Variants in ENAH observed in about 807,000 individuals in gnomAD.
ENAH encodes protein enabled homolog.
Under a neutral mutation model 78.7 loss-of-function variants are expected in ENAH, and 23 were observed. The ratio of observed to expected loss-of-function variants is 0.29; its 90% CI spans 0.21 to 0.41. ENAH has a LOEUF of 0.41. ENAH is among the 10% of genes least tolerant of loss of function. The pLI, the probability that ENAH is intolerant of heterozygous loss-of-function variation, is 1.00. For synonymous variants in ENAH, 226 were observed against 241.0 expected, an observed-to-expected ratio of 0.94 and a Z score of 0.58; for missense variants, 544 against 691.0, an observed-to-expected ratio of 0.79 and a Z score of 2.39.
chr1:225,505,247 A>G (rs1476682430), intron 11 of ENAH, among the ~76,000 whole-genome samples: 1 of 152,252 alleles, frequency 6.6e-6, no homozygotes, highest in Non-Finnish European at 1.5e-5. Flanking sequence ...CCAGTTACAG[A>G]AAATTTTAAA....
intron 3 of ENAH, among the ~76,000 whole-genome samples, chr1:225,548,905 A>G (rs1040756353): frequency 6.8e-6 from 1 of 147,660 alleles, no homozygotes; most frequent in African/African-American, 2.5e-5. Flanking sequence ...GCTGGAGTGC[A>G]GTGGCACGAT....
chr1:225,589,198 C>T (rs544817346), intron 1 of ENAH, among the ~76,000 whole-genome samples: 2 of 152,244 alleles, frequency 1.3e-5, no homozygotes, highest in East Asian at 3.9e-4. Flanking sequence ...GGAATTTTGC[C>T]ATCACCCCCA....
chr1:225,608,220 GA>G (rs60998592), intron 1 of ENAH, among the ~76,000 whole-genome samples: 16,307 of 91,342 alleles, frequency 0.18, 956 homozygotes, highest in South Asian at 0.29. Flanking sequence ...ATAAAAAACA[GA>G]AAAAAAAAAA....
At chr1:225,552,974 C>G (rs1406686916) in intron 3 of ENAH, among the ~76,000 whole-genome samples, 2 of 152,156 alleles carry the variant, frequency 1.3e-5, no homozygotes, top group African/African-American at 4.8e-5. Context: ...TGGCTCATGC[C>G]TGTAATCCCA....
intron 7 of ENAH, among the ~76,000 whole-genome samples, chr1:225,513,477 A>C (rs2096392490): frequency 6.6e-6 from 1 of 152,248 alleles, no homozygotes; most frequent in Non-Finnish European, 1.5e-5. Flanking sequence ...ATGATCTTGC[A>C]CTAGGAAAAA....
intron 3 of ENAH, among the ~76,000 whole-genome samples, chr1:225,540,938 G>A (rs556860053): frequency 1.3e-5 from 2 of 152,164 alleles, no homozygotes; most frequent in East Asian, 3.9e-4. Context: ...TATGAGCCCT[G>A]AAAACAGTAC....
intron 11 of ENAH, among the ~76,000 whole-genome samples, chr1:225,503,690 T>G (rs2096302609): frequency 7.2e-6 from 1 of 138,064 alleles, no homozygotes; most frequent in Admixed American, 7.2e-5. Flanking sequence ...ACAAAACTAT[T>G]TCACTACTGG....
At chr1:225,544,665 G>A (rs1399615882) in intron 3 of ENAH, among the ~76,000 whole-genome samples, 4 of 152,166 alleles carry the variant, frequency 2.6e-5, no homozygotes, top group African/African-American at 4.8e-5. Context: ...ACTAAAAGCT[G>A]CGCTCATGAA....
chr1:225,590,709 C>A (rs1351542318), intron 1 of ENAH, among the ~76,000 whole-genome samples: 1 of 152,098 alleles, frequency 6.6e-6, no homozygotes, highest in African/African-American at 2.4e-5. Flanking sequence ...GTCTCCAGCC[C>A]TGTCAATTCT....
chr1:225,508,960 C>G (rs2096355822), intron 10 of ENAH, among the ~76,000 whole-genome samples: 1 of 152,208 alleles, frequency 6.6e-6, no homozygotes, highest in Non-Finnish European at 1.5e-5. Context: ...TCACACTCTT[C>G]CATGAAGCCC....
chr1:225,652,180 C>A (rs1158526239), intron 1 of ENAH: 2 of 244,614 alleles, frequency 8.2e-6, no homozygotes. Context: ...TTTCACAGCT[C>A]CTTCACCTAC....
At chr1:225,580,489 C>A (rs1456432721) in intron 1 of ENAH, among the ~76,000 whole-genome samples, 1 of 152,116 alleles carries the variant, frequency 6.6e-6, no homozygotes. Flanking sequence ...CTAAGCCAAA[C>A]CCAGAATCCT....
At chr1:225,532,165 C>T (rs1354946938) in intron 3 of ENAH, among the ~76,000 whole-genome samples, 1 of 152,002 alleles carries the variant, frequency 6.6e-6, no homozygotes, top group Admixed American at 6.5e-5. Context: ...TAAAAACAGA[C>T]TCTCCTATTA....
intron 4 of ENAH, among the ~76,000 whole-genome samples, chr1:225,527,427 T>G (rs1311778938): frequency 6.6e-6 from 1 of 152,236 alleles, no homozygotes; most frequent in African/African-American, 2.4e-5. Context: ...CTATACATCC[T>G]TCCCGTTTGC....
At chr1:225,622,014 G>A (rs1312178089) in intron 1 of ENAH, among the ~76,000 whole-genome samples, 2 of 152,092 alleles carry the variant, frequency 1.3e-5, no homozygotes, top group Non-Finnish European at 2.9e-5. Context: ...AACAATCTAT[G>A]TACTATCATC....
At chr1:225,619,093 A>G (rs1575748124) in intron 1 of ENAH, among the ~76,000 whole-genome samples, 1 of 147,686 alleles carries the variant, frequency 6.8e-6, no homozygotes, top group Non-Finnish European at 1.5e-5. Context: ...ACAACCCAGT[A>G]CACACACACA....
chr1:225,573,025 G>T (rs913160202), intron 1 of ENAH, among the ~76,000 whole-genome samples: 29 of 152,258 alleles, frequency 1.9e-4, no homozygotes, highest in African/African-American at 7.0e-4. Flanking sequence ...TTGTCAAATT[G>T]ACTGAGCAGG....
intron 1 of ENAH, among the ~76,000 whole-genome samples, chr1:225,641,508 C>A (rs1013173428): frequency 1.6e-4 from 22 of 139,410 alleles, no homozygotes; most frequent in Admixed American, 3.6e-4. Context: ...TTAAAAAAAA[C>A]CAATGAGTTG....
At chr1:225,503,997 TTTTA>T (rs1187172028) in intron 11 of ENAH, among the ~76,000 whole-genome samples, 2 of 151,528 alleles carry the variant, frequency 1.3e-5, no homozygotes, top group South Asian at 2.1e-4. Context: ...TTTCTCAGGT[TTTTA>T]TTTCACTTTT....
Sources: gnomAD v4.1 joint callset for allele counts (sites outside exome capture counted in the v4.1 genomes callset) on GRCh38, gnomAD v4.1.1 for gene constraint, MANE v1.5 for transcripts, NCBI Gene and HGNC (gene_info 2026-07-23, HGNC 2026-07-21) for gene names.